The following TRHDE variants were observed in gnomAD, a reference collection of about 807,000 sequenced individuals.
TRHDE encodes thyrotropin releasing hormone degrading enzyme, also known as thyrotropin-releasing hormone-degrading ectoenzyme.
A neutral mutation model predicts 125.7 loss-of-function variants in TRHDE; 72 were observed. The observed-to-expected ratio is 0.57, with a 90% CI of 0.47 to 0.70. The LOEUF is 0.70. TRHDE is among the 30% of genes least tolerant of loss of function. The pLI is 0.00. For synonymous variants in TRHDE, 509 were observed against 509.1 expected, an observed-to-expected ratio of 1.00 and a Z score of 0.00; for missense variants, 1,110 against 1,327.1, an observed-to-expected ratio of 0.84 and a Z score of 2.54.
chr12:72,649,597 AG>A (rs2136107704), intron 15 of TRHDE, among the ~76,000 whole-genome samples: 2 of 152,268 alleles, frequency 1.3e-5, no homozygotes, highest in East Asian at 3.9e-4. Context: ...AAAAGTAAAA[AG>A]GCAACCCACA....
At chr12:72,462,960 T>A (rs61696373) in intron 3 of TRHDE, among the ~76,000 whole-genome samples, 1 of 152,184 alleles carries the variant, frequency 6.6e-6, no homozygotes, top group African/African-American at 2.4e-5. Context: ...AGTGAATGAA[T>A]GCCTAATTCA....
chr12:72,635,417 A>G (rs1200807839), intron 15 of TRHDE, among the ~76,000 whole-genome samples: 14 of 151,434 alleles, frequency 9.2e-5, no homozygotes, highest in Admixed American at 9.2e-4. Flanking sequence ...TTGTCAGATG[A>G]GTAGGTTGCG....
intron 2 of TRHDE, among the ~76,000 whole-genome samples, chr12:72,182,831 T>G (rs1877121927): frequency 6.6e-6 from 1 of 152,140 alleles, no homozygotes; most frequent in Non-Finnish European, 1.5e-5. Flanking sequence ...TTCCCAATAC[T>G]CTTGAAACAG....
intron 13 of TRHDE, among the ~76,000 whole-genome samples, chr12:72,619,672 T>TCAA (rs1872963821): frequency 1.3e-5 from 2 of 152,200 alleles, no homozygotes; most frequent in African/African-American, 4.8e-5. Flanking sequence ...ATAATCATTT[T>TCAA]CAATAATATT....
At chr12:72,485,196 G>A (rs952477543) in intron 5 of TRHDE, among the ~76,000 whole-genome samples, 12 of 152,254 alleles carry the variant, frequency 7.9e-5, no homozygotes, top group Middle Eastern at 3.4e-3. Context: ...AAGGAGTGTG[G>A]CTATTCCCCA....
At chr12:72,353,999 A>G (rs376060438) in intron 2 of TRHDE, among the ~76,000 whole-genome samples, 2 of 151,644 alleles carry the variant, frequency 1.3e-5, no homozygotes, top group East Asian at 1.9e-4. Flanking sequence ...TATTACATCA[A>G]TGTTGGGATG....
intron 6 of TRHDE, among the ~76,000 whole-genome samples, chr12:72,533,705 T>A (rs1318314891): frequency 6.0e-5 from 9 of 148,990 alleles, no homozygotes; most frequent in African/African-American, 2.0e-4. Context: ...TTCTCAACCA[T>A]TTCTTTGTTT....
intron 12 of TRHDE, among the ~76,000 whole-genome samples, chr12:72,603,763 AAC>A (rs1565806937): frequency 3.7e-5 from 4 of 108,350 alleles, no homozygotes; most frequent in African/African-American, 1.5e-4. Flanking sequence ...CAACAACAAC[AAC>A]AAAAAAACAA....
chr12:72,282,575 T>A (rs1157913287), intron 1 of TRHDE, among the ~76,000 whole-genome samples: 3 of 152,154 alleles, frequency 2.0e-5, no homozygotes, highest in African/African-American at 7.2e-5. Context: ...GTATCAAGGT[T>A]GAAAAAGATG....
chr12:72,418,341 A>T lies in TRHDE; in HGVS notation c.1315+40220A>T, dbSNP rs144166136. On this transcript the variant is annotated intron_variant, in intron 3 of 18. Transcript: ENST00000261180. ...TGTGATATTTACTAGTAAAATGCCA[A>T]TTTTTTTAAGATACATGCATATTTA... Among the ~76,000 whole-genome samples the T allele has an allele frequency of 2.4e-3, 368 of 152,156 alleles. 1 individual carries two copies. The highest frequency in any genetic ancestry group is 3.4e-3 in the Non-Finnish European group (230 of 67,954).
intron 6 of TRHDE, among the ~76,000 whole-genome samples, chr12:72,512,410 A>G (rs1218733171): frequency 1.6e-5 from 2 of 127,052 alleles, no homozygotes; most frequent in Non-Finnish European, 3.1e-5. Flanking sequence ...TTATATAATT[A>G]TAACTATATA....
intron 9 of TRHDE, among the ~76,000 whole-genome samples, chr12:72,568,248 A>G (rs1051394316): frequency 6.6e-6 from 1 of 152,128 alleles, no homozygotes. Flanking sequence ...ACTTTAATCA[A>G]TATGGCTCAG....
chr12:72,521,080 T>C (rs897653528), intron 6 of TRHDE, among the ~76,000 whole-genome samples: 5 of 152,180 alleles, frequency 3.3e-5, no homozygotes, highest in East Asian at 1.9e-4. Context: ...CTGTGTGTGA[T>C]TGCCTGATCA....
rs540150411 is a variant in TRHDE at position 72,438,143 on chromosome 12, T to G, written c.1316-31615T>G. ...TATACGGCCGAATAGTATTTCATTGTGTATATATACCATGTTTTCTTTATC... is the reference window on the plus strand; with the variant it reads ...TATACGGCCGAATAGTATTTCATTGGGTATATATACCATGTTTTCTTTATC... On this transcript the variant is annotated intron_variant, in intron 3 of 18. Coordinates refer to ENST00000261180, the MANE Select transcript of TRHDE (RefSeq NM_013381.3). Among the ~76,000 whole-genome samples the G allele has an allele frequency of 2.0e-5, 3 of 152,014 alleles. No homozygotes were observed. The South Asian group carries it at 6.2e-4, about 31-fold the overall frequency.
intron 12 of TRHDE, among the ~76,000 whole-genome samples, chr12:72,616,145 C>T (rs1872803392): frequency 6.6e-6 from 1 of 152,084 alleles, no homozygotes; most frequent in African/African-American, 2.4e-5. Context: ...TTAATGAATG[C>T]TTTTAATTAC....
intron 2 of TRHDE, among the ~76,000 whole-genome samples, chr12:72,308,866 C>G (rs1868408378): frequency 6.6e-6 from 1 of 152,126 alleles, no homozygotes; most frequent in Non-Finnish European, 1.5e-5. Flanking sequence ...AGAAGAAACT[C>G]CCATCTCAAT....
At chr12:72,387,013 A>G (rs1266556557) in intron 3 of TRHDE, among the ~76,000 whole-genome samples, 1 of 152,204 alleles carries the variant, frequency 6.6e-6, no homozygotes, top group Admixed American at 6.5e-5. Context: ...TTACATTGGT[A>G]GTGGCCTCCC....
rs1868721990 is a variant in TRHDE, at chr12:72,314,841, G to T, written c.1188+27887G>T. Among the ~76,000 whole-genome samples, 5 of 152,228 alleles carry T rather than the reference G, an allele frequency of 3.3e-5. No individual in the cohort carries two copies. The South Asian group carries it at 1.0e-3, about 32-fold the overall frequency. Reference sequence around the variant, plus strand: ...TTCCCTGATTAAATGTTAGAATTAGGAATTGAAATTTGGAAATGTGGTTAC... The same window carrying T: ...TTCCCTGATTAAATGTTAGAATTAGTAATTGAAATTTGGAAATGTGGTTAC... On this transcript the variant is annotated intron_variant, in intron 2 of 18. Transcript: ENST00000261180.
chr12:72,368,754 G>A (rs2135760502), intron 2 of TRHDE, among the ~76,000 whole-genome samples: 1 of 152,210 alleles, frequency 6.6e-6, no homozygotes, highest in Non-Finnish European at 1.5e-5. Flanking sequence ...AGTCTTTGAT[G>A]TTCTTTTTCT....
Sources: allele counts gnomAD v4.1 joint callset (sites outside exome capture counted in the v4.1 genomes callset), GRCh38; gene constraint gnomAD v4.1.1; transcripts MANE v1.5; gene names NCBI Gene and HGNC (gene_info 2026-07-23, HGNC 2026-07-21).